GOLGA5: variants seen among roughly 807,000 people sequenced by gnomAD.
The protein encoded by GOLGA5 is golgin A5.
A neutral mutation model predicts 93.5 loss-of-function variants in GOLGA5; 50 were observed. The observed-to-expected ratio is 0.53, with a 90% confidence interval of 0.43 to 0.68. GOLGA5 has a LOEUF of 0.68. Among genes scored for constraint, GOLGA5 ranks in the 30% least tolerant of loss-of-function variants. The pLI is 0.00. For synonymous variants in GOLGA5, 312 were observed against 304.5 expected, an observed-to-expected ratio of 1.02 and a Z score of -0.26; for missense variants, 760 against 856.4, an observed-to-expected ratio of 0.89 and a Z score of 1.40.
rs117821736 is a variant in GOLGA5, at chr14:92,824,581, A to C, written c.1656A>C (p.Thr552=). ...FHYIEEDLYR[T]KNTLQSRIKD... is the part of the protein sequence containing the mutation. ...ATATAGAAGAAGATCTTTATCGAACAAAGAACACATTGCAAAGCAGAATTA... is the reference window on the plus strand; with the variant it reads ...ATATAGAAGAAGATCTTTATCGAACCAAGAACACATTGCAAAGCAGAATTA... Residue 552 remains threonine (T), a synonymous_variant, in exon 9 of 13, where the codon ACA becomes ACC. Coordinates refer to ENST00000163416, the MANE Select transcript of GOLGA5 (RefSeq NM_005113.4). 2,137 of 1,606,242 alleles carry C rather than the reference A, an allele frequency of 1.3e-3. 24 individuals are homozygous for C. In the East Asian group the frequency reaches 0.022, roughly 16 times the overall value.
chr14:92,804,655 CTTTTT>C (rs765326844), intron 2 of GOLGA5, among the ~76,000 whole-genome samples: 2 of 114,308 alleles, frequency 1.7e-5, no homozygotes. Context: ...TAATTTCTTT[CTTTTT>C]TTTTTTTTTT....
chr14:92,809,177 C>T (rs558410785), intron 3 of GOLGA5, 123 bp from the exon 4 acceptor site: 27 of 639,006 alleles, frequency 4.2e-5, no homozygotes, highest in African/African-American at 2.8e-4. Context: ...AAATTGAAGA[C>T]GTGTAAGTTC....
intron 11 of GOLGA5, among the ~76,000 whole-genome samples, chr14:92,836,618 ATGAG>A (rs1432430518): frequency 2.6e-5 from 4 of 152,156 alleles, no homozygotes; most frequent in Admixed American, 6.6e-5. Flanking sequence ...ATTCAAATGC[ATGAG>A]TTTATAGCTT....
rs748363873 is a variant in GOLGA5 at position 92,816,366 on chromosome 14, G to C, written c.1436G>C (p.Arg479Thr). ...EELRHEKEMQ[R>T]EEIQKLMGQI... ...CTTCGGCATGAGAAAGAGATGCAGA[G>C]GGAGGAAATACAGAAGCTGATGGGC... The change falls in exon 7 of 13, where the codon AGG becomes ACG. Residue 479 changes from arginine to threonine, a missense_variant. Physicochemically the swap from Arg to Thr is moderately conservative, Grantham distance 71. Coordinates refer to ENST00000163416, the MANE Select transcript of GOLGA5 (RefSeq NM_005113.4). The C allele has an allele frequency of 1.5e-5, 25 of 1,613,918 alleles. No individual in the cohort carries two copies. The Admixed American group carries it at 2.5e-4, about 16-fold the overall frequency.
chr14:92,825,375 G>A (rs1885396356), intron 9 of GOLGA5, among the ~76,000 whole-genome samples: 2 of 152,130 alleles, frequency 1.3e-5, no homozygotes, highest in South Asian at 4.1e-4. Context: ...TAAGAGTTGA[G>A]AACAGCTCAC....
chr14:92,812,025 T>C (rs529198348), intron 6 of GOLGA5, among the ~76,000 whole-genome samples: 1 of 152,222 alleles, frequency 6.6e-6, no homozygotes, highest in Non-Finnish European at 1.5e-5. Context: ...ATGCTTGTTG[T>C]TGAGCAGCTG....
chr14:92,837,269 C>A, intron 11 of GOLGA5, 117 bp from the exon 12 acceptor site: 1 of 574,910 alleles, frequency 1.7e-6, no homozygotes, highest in Admixed American at 2.9e-5. Flanking sequence ...CTGTGGTAGC[C>A]ACATAAATAG....
At chr14:92,830,147 C>T (rs1380625844) in intron 9 of GOLGA5, among the ~76,000 whole-genome samples, 1 of 152,106 alleles carries the variant, frequency 6.6e-6, no homozygotes, top group Non-Finnish European at 1.5e-5. Flanking sequence ...GGTGAAACCC[C>T]GTCTCTACTA....
intron 5 of GOLGA5, among the ~76,000 whole-genome samples, chr14:92,810,915 T>C (rs1336783400): frequency 1.3e-5 from 2 of 152,248 alleles, no homozygotes; most frequent in Admixed American, 1.3e-4. Flanking sequence ...ACTTTGGTTT[T>C]AGAAGGTTCA....
chr14:92,820,212 C>T (rs898638286), intron 8 of GOLGA5, among the ~76,000 whole-genome samples: 104 of 152,170 alleles, frequency 6.8e-4, no homozygotes, highest in African/African-American at 2.5e-3. Context: ...GAGAGCAGGG[C>T]GATAGTGGGG....
intron 2 of GOLGA5, among the ~76,000 whole-genome samples, chr14:92,802,611 G>A (rs1398879224): frequency 6.6e-6 from 1 of 151,844 alleles, no homozygotes; most frequent in Non-Finnish European, 1.5e-5. Context: ...GTTTAAGGAA[G>A]TTCCCATAAA....
chr14:92,838,737 G>C (rs530356603), intron 12 of GOLGA5, among the ~76,000 whole-genome samples: 6 of 152,174 alleles, frequency 3.9e-5, no homozygotes, highest in Non-Finnish European at 5.9e-5. Context: ...AAAGCATTCA[G>C]AATATGCCCC....
intron 2 of GOLGA5, among the ~76,000 whole-genome samples, chr14:92,799,287 T>C (rs1723246778): frequency 1.4e-5 from 2 of 142,062 alleles, no homozygotes; most frequent in Admixed American, 7.0e-5. Flanking sequence ...TTTTTTTTTT[T>C]CTTTTTTGAG....
chr14:92,814,838 G>A (rs1231347662), intron 6 of GOLGA5, among the ~76,000 whole-genome samples: 1 of 151,854 alleles, frequency 6.6e-6, no homozygotes, highest in Non-Finnish European at 1.5e-5. Flanking sequence ...TTATCTCAGG[G>A]GTCAGAAAAC....
At chr14:92,830,297 G>A (rs11850189) in intron 9 of GOLGA5, among the ~76,000 whole-genome samples, 488 of 152,182 alleles carry the variant, frequency 3.2e-3, no homozygotes, top group Middle Eastern at 0.014. Context: ...CAGTCTGGGC[G>A]GCAGAGCAAA....
chr14:92,825,717 C>T (rs928072019), intron 9 of GOLGA5, among the ~76,000 whole-genome samples: 23 of 151,294 alleles, frequency 1.5e-4, no homozygotes, highest in African/African-American at 5.3e-4. Flanking sequence ...AAAAATTAGG[C>T]GTGGTGGCAC....
At chr14:92,803,563 G>T (rs1884919586) in intron 2 of GOLGA5, among the ~76,000 whole-genome samples, 2 of 152,156 alleles carry the variant, frequency 1.3e-5, no homozygotes, top group Non-Finnish European at 2.9e-5. Flanking sequence ...TATTGATTCA[G>T]TTGGCTTTTC....
At chr14:92,799,961 T>C (rs151122871) in intron 2 of GOLGA5, among the ~76,000 whole-genome samples, 2 of 152,348 alleles carry the variant, frequency 1.3e-5, no homozygotes, top group Admixed American at 1.3e-4. Flanking sequence ...TCTTGGATGT[T>C]ATAGCTTCTT....
rs1289208708 is a variant in GOLGA5 at position 92,811,642 on chromosome 14, A to G, written c.1208A>G (p.Glu403Gly). The change falls in exon 6 of 13, where the codon GAG (glutamate) becomes GGG (glycine). Residue 403 changes from glutamate (E) to glycine (G), a missense_variant. Coordinates refer to ENST00000163416, the MANE Select transcript of GOLGA5 (RefSeq NM_005113.4). ...CTGGCCGAAAGAAAATACTCAGATG[A>G]GAAGAAGAGGGTTGATGAACTGCAG... ...ITLAERKYSDEKKRVDELQQQ... is the reference protein window; with the variant it reads ...ITLAERKYSDGKKRVDELQQQ... 6 of 1,612,266 alleles carry G rather than the reference A, an allele frequency of 3.7e-6. No individual in the cohort carries two copies. The highest frequency in any genetic ancestry group is 5.1e-6 in the Non-Finnish European group (6 of 1,178,712).
Sources: gnomAD v4.1 joint callset for allele counts (sites outside exome capture counted in the v4.1 genomes callset) on GRCh38, gnomAD v4.1.1 for gene constraint, MANE v1.5 for transcripts, NCBI Gene and HGNC (gene_info 2026-07-23, HGNC 2026-07-21) for gene names.